Variants in LARP1B observed in about 807,000 individuals in gnomAD.
LARP1B encodes the protein La ribonucleoprotein 1B, also known as la-related protein 1B.
Under a neutral mutation model 114.2 loss-of-function variants are expected in LARP1B, and 76 were observed. The observed-to-expected ratio is 0.67, with a 90% CI of 0.55 to 0.81. The LOEUF (loss-of-function observed/expected upper bound fraction) is 0.81, where lower values mean the gene tolerates loss of function less well. LARP1B is among the 30% of genes least tolerant of loss of function. The pLI is 0.00. For missense variants in LARP1B, 1,014 were observed against 1,075.8 expected, an observed-to-expected ratio of 0.94 and a Z score of 0.80; for synonymous variants, 345 against 348.0, an observed-to-expected ratio of 0.99 and a Z score of 0.10.
intron 7 of LARP1B, among the ~76,000 whole-genome samples, chr4:128,095,295 G>A (rs1369936092): frequency 6.6e-6 from 1 of 151,506 alleles, no homozygotes; most frequent in Non-Finnish European, 1.5e-5. Context: ...TCGAGACCAG[G>A]CTGGCCAACA....
At chr4:128,176,222 T>C (rs1179585900) in intron 12 of LARP1B, among the ~76,000 whole-genome samples, 1 of 144,302 alleles carries the variant, frequency 6.9e-6, no homozygotes, top group South Asian at 2.1e-4. Flanking sequence ...TATATATAAA[T>C]TTATATATAC....
At chr4:128,086,681 A>G (rs1209598325) in intron 5 of LARP1B, among the ~76,000 whole-genome samples, 5 of 152,104 alleles carry the variant, frequency 3.3e-5, no homozygotes, top group Non-Finnish European at 5.9e-5. Context: ...AGAAGGAGCT[A>G]GGTTGATTAG....
In LARP1B at chr4:128,178,544, A is replaced by G. The variant is rs1002751049; in HGVS notation, c.1798A>G (p.Arg600Gly). ...AGAATCTCCTAGAATTCATCCTACA[A>G]GAACACCCAAAACACCTCGAACACC... ...VPESPRIHPTRTPKTPRTPRL... is the reference protein window; with the variant it reads ...VPESPRIHPTGTPKTPRTPRL... The change falls in exon 14 of 20, where the codon AGA (arginine) becomes GGA (glycine). Residue 600 changes from arginine to glycine, a missense_variant. By Grantham distance (125) the Arg-to-Gly change is moderately radical (BLOSUM62 -2). Transcript: ENST00000326639. The G allele has an allele frequency of 2.5e-6, 4 of 1,614,128 alleles. No individual in the cohort carries two copies. The highest frequency in any genetic ancestry group is 1.6e-4 in the Middle Eastern group (1 of 6,062).
At chr4:128,087,079 C>T (rs902629209) in intron 5 of LARP1B, among the ~76,000 whole-genome samples, 2 of 152,074 alleles carry the variant, frequency 1.3e-5, no homozygotes, top group African/African-American at 4.8e-5. Flanking sequence ...GCCACCATGT[C>T]TGGCTAATTT....
intron 1 of LARP1B, among the ~76,000 whole-genome samples, chr4:128,064,069 C>T (rs1205290735): frequency 1.3e-5 from 2 of 151,794 alleles, no homozygotes; most frequent in East Asian, 1.9e-4. Flanking sequence ...GTCAGGAGTT[C>T]GAGATCAGCC....
At chr4:128,066,580 C>T (rs1363718143) in intron 1 of LARP1B, among the ~76,000 whole-genome samples, 2 of 151,364 alleles carry the variant, frequency 1.3e-5, no homozygotes, top group Admixed American at 6.6e-5. Context: ...TGGGTTCCCC[C>T]GATTCTCCTG....
intron 17 of LARP1B, among the ~76,000 whole-genome samples, chr4:128,201,473 C>T (rs953939421): frequency 6.6e-6 from 1 of 152,190 alleles, no homozygotes; most frequent in Admixed American, 6.5e-5. Flanking sequence ...AAAGCAAGGC[C>T]TCTCACAATA....
At chr4:128,081,365 C>T (rs181581495) in intron 4 of LARP1B, among the ~76,000 whole-genome samples, 3,808 of 146,922 alleles carry the variant, frequency 0.026, 74 homozygotes, top group Middle Eastern at 0.059. Context: ...AGGCATGAGC[C>T]ACTGCGCCCG....
chr4:128,112,554 A>G (rs1401487478), intron 9 of LARP1B, among the ~76,000 whole-genome samples: 2 of 142,038 alleles, frequency 1.4e-5, no homozygotes, highest in Non-Finnish European at 3.0e-5. Flanking sequence ...GCTCACTGCA[A>G]CCTCTGCCTC....
intron 5 of LARP1B, among the ~76,000 whole-genome samples, chr4:128,084,142 G>A (rs981392974): frequency 6.6e-6 from 1 of 151,828 alleles, no homozygotes; most frequent in African/African-American, 2.4e-5. Context: ...TTTCCAGACT[G>A]GGCAGCCAGG....
At chr4:128,079,371 A>G (rs1008196632) in intron 4 of LARP1B, among the ~76,000 whole-genome samples, 4 of 152,068 alleles carry the variant, frequency 2.6e-5, no homozygotes, top group Admixed American at 1.3e-4. Flanking sequence ...CTAGGATTAC[A>G]GGCATGAGCC....
intron 1 of LARP1B, among the ~76,000 whole-genome samples, chr4:128,064,788 C>T (rs1023367407): frequency 1.3e-5 from 2 of 152,006 alleles, no homozygotes; most frequent in African/African-American, 4.8e-5. Flanking sequence ...TTTTAGCTCC[C>T]TGGGAGGCTG....
chr4:128,123,598 C>T (rs943773190), intron 11 of LARP1B: 3 of 433,880 alleles, frequency 6.9e-6, no homozygotes, highest in African/African-American at 6.5e-5. Context: ...GGATTTTTTT[C>T]TATTTGTTCA....
chr4:128,083,603 C>A (rs1163378507), intron 5 of LARP1B, among the ~76,000 whole-genome samples: 6 of 141,300 alleles, frequency 4.2e-5, no homozygotes, highest in African/African-American at 1.3e-4. Flanking sequence ...CCAGACGGGG[C>A]GGCTGGCCGG....
chr4:128,220,409 G>A, exon 7 of LARP1B: 1 of 925,552 alleles, frequency 1.1e-6, no homozygotes, highest in Non-Finnish European at 1.3e-6. Context: ...TGGCAAAACG[G>A]AATGTCAGAT....
Position 128,113,986 on chromosome 4 carries a change from G to A in LARP1B, c.989-584G>A, listed in dbSNP as rs560630139. 1.5e-3 allele frequency among the ~76,000 whole-genome samples: 221 copies of A among 152,090 alleles called. 1 individual carries two copies. The South Asian group carries it at 0.02, about 14-fold the overall frequency. On this transcript the variant is annotated intron_variant, in intron 9 of 19. Coordinates refer to ENST00000326639, the MANE Select transcript of LARP1B (RefSeq NM_018078.4). The stretch of plus-strand genomic sequence containing the variant: ...TTTTTAGTAGAGATAGGGTTTCTCC[G>A]TGTTGGTCAGGCCAGTCGACACTTC...
In LARP1B at chr4:128,087,005, G is replaced by A. The variant is rs138054404; in HGVS notation, c.359-3996G>A. Among the ~76,000 whole-genome samples, 380 of 151,822 alleles carry A rather than the reference G, an allele frequency of 2.5e-3. 1 individual carries two copies. Among genetic ancestry groups the A allele is most frequent in the African/African-American group, 8.5e-3 (352 of 41,398 alleles). On this transcript the variant is annotated intron_variant, in intron 5 of 19. Coordinates refer to ENST00000326639, the MANE Select transcript of LARP1B (RefSeq NM_018078.4). ...TTTTTTTGTCTTGAGACAGAGTCTCGCACTATTGCCCAGGCTGGGTTCTCC... is the reference window on the plus strand; with the variant it reads ...TTTTTTTGTCTTGAGACAGAGTCTCACACTATTGCCCAGGCTGGGTTCTCC...
intron 9 of LARP1B, among the ~76,000 whole-genome samples, chr4:128,111,248 A>G (rs547709161): frequency 7.2e-5 from 11 of 151,892 alleles, no homozygotes; most frequent in African/African-American, 2.2e-4. Context: ...GGGTTTCACC[A>G]TGTTGGTCAG....
chr4:128,061,586 G>T (rs1222568324), intron 1 of LARP1B, 185 bp downstream of exon 1: 4 of 765,036 alleles, frequency 5.2e-6, no homozygotes, highest in Non-Finnish European at 6.4e-6. Context: ...CGGGCTCTCG[G>T]GTTGTCTGTC....
Sources: gnomAD v4.1 joint callset for allele counts (sites outside exome capture counted in the v4.1 genomes callset) on GRCh38, gnomAD v4.1.1 for gene constraint, MANE v1.5 for transcripts, NCBI Gene and HGNC (gene_info 2026-07-23, HGNC 2026-07-21) for gene names.